Variants in C8orf34 observed in about 807,000 individuals in gnomAD.
C8orf34 encodes the protein uncharacterized protein C8orf34.
A neutral mutation model predicts 68.3 loss-of-function variants in C8orf34; 65 were observed. The ratio of observed to expected loss-of-function variants is 0.95; its 90% CI spans 0.78 to 1.17. C8orf34 has a LOEUF of 1.17. Among genes scored for constraint, C8orf34 ranks in the 50% most tolerant of loss-of-function variants. C8orf34 has a pLI of 0.00. For missense variants in C8orf34, 664 were observed against 655.4 expected (o/e 1.01, Z -0.14); for synonymous variants, 244 against 241.2 (o/e 1.01, Z -0.11).
chr8:68,457,677 T>C (rs1811612420), intron 3 of C8orf34, among the ~76,000 whole-genome samples: 2 of 152,130 alleles, frequency 1.3e-5, no homozygotes, highest in East Asian at 1.9e-4. Flanking sequence ...TGTAACATAG[T>C]GTCCTCAGCG....
chr8:68,776,015 G>A (rs1020209873), intron 10 of C8orf34, among the ~76,000 whole-genome samples: 5 of 152,136 alleles, frequency 3.3e-5, no homozygotes, highest in African/African-American at 1.2e-4. Context: ...GGTGGTGGAG[G>A]GAGGGTAAGC....
intron 10 of C8orf34, among the ~76,000 whole-genome samples, chr8:68,769,629 G>C (rs1328839012): frequency 6.6e-6 from 1 of 152,086 alleles, no homozygotes; most frequent in African/African-American, 2.4e-5. Flanking sequence ...CTATTCACCA[G>C]TTTTAAAAGT....
At chr8:68,453,089 A>G (rs146076138) in intron 3 of C8orf34, among the ~76,000 whole-genome samples, 1 of 152,040 alleles carries the variant, frequency 6.6e-6, no homozygotes, top group East Asian at 1.9e-4. Flanking sequence ...ACGAGGGTTT[A>G]TTTTTAGACT....
At chr8:68,582,842 C>G (rs1182830597) in intron 7 of C8orf34, among the ~76,000 whole-genome samples, 1 of 152,070 alleles carries the variant, frequency 6.6e-6, no homozygotes, top group Non-Finnish European at 1.5e-5. Flanking sequence ...ACTTACATAG[C>G]ATCTTCAACT....
chr8:68,689,870 A>G (rs1820636115), intron 8 of C8orf34, among the ~76,000 whole-genome samples: 1 of 152,036 alleles, frequency 6.6e-6, no homozygotes, highest in Admixed American at 6.6e-5. Flanking sequence ...TAGAGAGGCT[A>G]AGTAAGCTGC....
chr8:68,334,012 A>C (rs1805742903), intron 1 of C8orf34, among the ~76,000 whole-genome samples: 1 of 152,234 alleles, frequency 6.6e-6, no homozygotes, highest in Admixed American at 6.5e-5. Context: ...TTTTAAAACA[A>C]TAGCAAAAAG....
At chr8:68,490,555 G>T (rs1012457089) in intron 5 of C8orf34, among the ~76,000 whole-genome samples, 1 of 152,106 alleles carries the variant, frequency 6.6e-6, no homozygotes, top group Non-Finnish European at 1.5e-5. Context: ...GTATGACACT[G>T]CTGATTTTCA....
At chr8:68,534,589 G>A (rs1253611885) in intron 7 of C8orf34, 3 of 969,168 alleles carry the variant, frequency 3.1e-6, no homozygotes, top group Non-Finnish European at 3.7e-6. Flanking sequence ...TAGAGAAGCC[G>A]ATTACTCTGG....
intron 8 of C8orf34, among the ~76,000 whole-genome samples, chr8:68,663,433 C>T (rs144750614): frequency 6.6e-6 from 1 of 152,180 alleles, no homozygotes; most frequent in Admixed American, 6.5e-5. Context: ...TTATTTTTCC[C>T]CCTCTACACA....
intron 7 of C8orf34, among the ~76,000 whole-genome samples, chr8:68,611,679 C>T (rs1187645387): frequency 1.3e-5 from 2 of 152,092 alleles, no homozygotes; most frequent in Non-Finnish European, 2.9e-5. Flanking sequence ...ATGTCAGTAT[C>T]AACTAGTTTA....
At chr8:68,401,356 A>G (rs1378138220) in intron 1 of C8orf34, among the ~76,000 whole-genome samples, 1 of 152,120 alleles carries the variant, frequency 6.6e-6, no homozygotes, top group Non-Finnish European at 1.5e-5. Context: ...TCCAATTTGG[A>G]TGCCTTTTAT....
intron 9 of C8orf34, among the ~76,000 whole-genome samples, chr8:68,720,952 A>G (rs1821654209): frequency 6.6e-6 from 1 of 151,904 alleles, no homozygotes; most frequent in South Asian, 2.1e-4. Flanking sequence ...TAAAAGAGAG[A>G]GCACAAAATA....
intron 1 of C8orf34, among the ~76,000 whole-genome samples, chr8:68,339,461 C>A (rs900847420): frequency 2.7e-5 from 4 of 148,730 alleles, no homozygotes; most frequent in South Asian, 2.2e-4. Flanking sequence ...ATATGTAAGA[C>A]CCCTACACTA....
intron 8 of C8orf34, among the ~76,000 whole-genome samples, chr8:68,700,338 G>A (rs1298823614): frequency 6.6e-6 from 1 of 152,142 alleles, no homozygotes; most frequent in Non-Finnish European, 1.5e-5. Context: ...TAAGCAGGTT[G>A]CTCACCAAGG....
At chr8:68,782,783 C>A (rs1008733477) in intron 11 of C8orf34, among the ~76,000 whole-genome samples, 2 of 151,876 alleles carry the variant, frequency 1.3e-5, no homozygotes, top group African/African-American at 2.4e-5. Context: ...TGAGGCTGGG[C>A]GTGGTGGCTC....
intron 9 of C8orf34, among the ~76,000 whole-genome samples, chr8:68,717,337 G>C (rs1044381252): frequency 2.0e-5 from 3 of 152,034 alleles, no homozygotes; most frequent in Non-Finnish European, 4.4e-5. Flanking sequence ...CACCCAGGCG[G>C]GGCCCGGGTT....
chr8:68,756,081 A>AC (rs1172421952), intron 10 of C8orf34, among the ~76,000 whole-genome samples: 3 of 98,724 alleles, frequency 3.0e-5, no homozygotes, highest in Admixed American at 9.2e-5. Context: ...AAACAAACAA[A>AC]AAAACAAAAA....
intron 7 of C8orf34, among the ~76,000 whole-genome samples, chr8:68,575,523 G>A (rs1490428857): frequency 6.6e-6 from 1 of 152,072 alleles, no homozygotes; most frequent in Non-Finnish European, 1.5e-5. Flanking sequence ...AGTTGAGTTT[G>A]CCATTAGAGA....
chr8:68,422,319 C>T (rs1484986272), intron 1 of C8orf34, among the ~76,000 whole-genome samples: 6 of 152,178 alleles, frequency 3.9e-5, no homozygotes, highest in East Asian at 1.9e-4. Flanking sequence ...AATGGAGATA[C>T]GGTATTGGGT....
Sources: allele counts gnomAD v4.1 joint callset (sites outside exome capture counted in the v4.1 genomes callset), GRCh38; gene constraint gnomAD v4.1.1; transcripts MANE v1.5; gene names NCBI Gene and HGNC (gene_info 2026-07-23, HGNC 2026-07-21).